ARHGAP42: variants seen among roughly 807,000 people sequenced by gnomAD.
ARHGAP42 encodes Rho GTPase activating protein 42.
A neutral mutation model predicts 125.0 loss-of-function variants in ARHGAP42; 63 were observed. The ratio of observed to expected loss-of-function variants is 0.50; its 90% CI spans 0.41 to 0.62. The LOEUF (loss-of-function observed/expected upper bound fraction) is 0.62. ARHGAP42 is among the 20% of genes least tolerant of loss of function. The pLI, the probability that ARHGAP42 is intolerant of heterozygous loss-of-function variation, is 0.00. For missense variants in ARHGAP42, 766 were observed against 1,024.2 expected, an observed-to-expected ratio of 0.75 and a Z score of 3.44; for synonymous variants, 339 against 351.0, an observed-to-expected ratio of 0.97 and a Z score of 0.38.
At chr11:100,729,762 A>G (rs376966096) in intron 1 of ARHGAP42, among the ~76,000 whole-genome samples, 454 of 151,892 alleles carry the variant, frequency 3.0e-3, no homozygotes, top group Non-Finnish European at 4.1e-3. Context: ...TATGAATATC[A>G]TGTAACACTG....
intron 3 of ARHGAP42, among the ~76,000 whole-genome samples, chr11:100,845,092 T>TATATAC (rs546437282): frequency 4.0e-5 from 6 of 151,240 alleles, no homozygotes; most frequent in African/African-American, 1.2e-4. Context: ...TATATATATA[T>TATATAC]ACACACACAC....
At chr11:100,747,030 T>A (rs1181972576) in intron 1 of ARHGAP42, among the ~76,000 whole-genome samples, 1 of 152,202 alleles carries the variant, frequency 6.6e-6, no homozygotes, top group East Asian at 1.9e-4. Flanking sequence ...GGCTTGAGTT[T>A]CCCTTCTTTC....
chr11:100,907,108 T>A (rs183776809), intron 4 of ARHGAP42, among the ~76,000 whole-genome samples: 166 of 152,330 alleles, frequency 1.1e-3, no homozygotes, highest in Middle Eastern at 3.4e-3. Context: ...CAGTAGTACC[T>A]AAGGGTTCCT....
chr11:100,844,209 C>G (rs1332308798), intron 3 of ARHGAP42, among the ~76,000 whole-genome samples: 1 of 151,962 alleles, frequency 6.6e-6, no homozygotes, highest in Non-Finnish European at 1.5e-5. Flanking sequence ...AAGGACACCC[C>G]ATTGAACAAA....
intron 8 of ARHGAP42, among the ~76,000 whole-genome samples, chr11:100,938,886 TG>T (rs1296267416): frequency 6.6e-6 from 1 of 152,136 alleles, no homozygotes; most frequent in African/African-American, 2.4e-5. Context: ...ATAAGTTCTG[TG>T]GGGGACAAAA....
chr11:100,762,333 T>A (rs1862724086), intron 1 of ARHGAP42, among the ~76,000 whole-genome samples: 1 of 152,216 alleles, frequency 6.6e-6, no homozygotes, highest in Non-Finnish European at 1.5e-5. Flanking sequence ...TGCTTTTTTT[T>A]GCATTTTCAG....
chr11:100,941,882 A>G lies in ARHGAP42; in HGVS notation c.931A>G (p.Met311Val). 6.6e-7 allele frequency: 1 copy of G among 1,521,970 alleles called. No homozygotes were observed. The highest frequency in any genetic ancestry group is 8.8e-7 in the Non-Finnish European group (1 of 1,131,828). 94.3% of individuals were successfully genotyped at this position (1,521,970 alleles called of 1,614,324 possible). ...TTCAGAAATGAAATCCAGTGGGAAA[A>G]TGGTGAGTTAGTTTTGTTTTCTGTT... is the stretch of plus-strand genomic sequence containing the variant. ...SVSEMKSSGK[M>V]NGLVTSSPEM... The change falls in exon 9 of 24, where the codon ATG (methionine) becomes GTG (valine). Residue 311 changes from methionine to valine, a missense_variant and splice_region_variant. Met to Val is a conservative substitution (Grantham distance 21, BLOSUM62 1). Coordinates refer to ENST00000298815, the MANE Select transcript of ARHGAP42 (RefSeq NM_152432.4).
At chr11:100,782,666 TA>T (rs59373401) in intron 2 of ARHGAP42, among the ~76,000 whole-genome samples, 7,751 of 151,294 alleles carry the variant, frequency 0.051, 257 homozygotes, top group East Asian at 0.18. Context: ...ATAGGAGGCT[TA>T]AAAAAAAAGA....
In ARHGAP42 at chr11:100,962,760, C is replaced by T. The variant is rs922487173; in HGVS notation, c.1444+293C>T. Among the ~76,000 whole-genome samples the T allele has an allele frequency of 2.0e-5, 3 of 152,176 alleles. No individual in the cohort carries two copies. In the East Asian group the frequency reaches 5.8e-4, roughly 29 times the overall value. On this transcript the variant is annotated intron_variant, in intron 16 of 23. Transcript: ENST00000298815. ...GCATGGTGGCACATGCCTGTAATCC[C>T]AGCTGCTCGGGAAGCTGAGGCAGGA...
At position 100,961,779 on chromosome 11, in the gene ARHGAP42, T is replaced by G; in HGVS notation, c.1385+11T>G. The G allele has an allele frequency of 6.5e-7, 1 of 1,546,572 alleles. No individual in the cohort carries two copies. Among genetic ancestry groups the G allele is most frequent in the Non-Finnish European group, 8.8e-7 (1 of 1,142,592 alleles). The stretch of plus-strand genomic sequence containing the variant: ...GAAAAACTACCTCAGGTGAGGAGGG[T>G]TTAACTCCTGGTACTCTGGATGTAA... On this transcript the variant is annotated intron_variant, in intron 15 of 23. Coordinates refer to ENST00000298815, the MANE Select transcript of ARHGAP42 (RefSeq NM_152432.4).
At chr11:100,897,619 A>G (rs1866398296) in intron 4 of ARHGAP42, among the ~76,000 whole-genome samples, 2 of 152,056 alleles carry the variant, frequency 1.3e-5, no homozygotes, top group South Asian at 4.2e-4. Context: ...ATGGGAGTTC[A>G]CTCATGATTT....
intron 3 of ARHGAP42, among the ~76,000 whole-genome samples, chr11:100,845,883 C>G (rs1366930275): frequency 6.6e-6 from 1 of 152,136 alleles, no homozygotes; most frequent in Non-Finnish European, 1.5e-5. Flanking sequence ...TGTTTATCAG[C>G]CTAATTGAGT....
At chr11:100,760,752 A>T (rs1470016706) in intron 1 of ARHGAP42, among the ~76,000 whole-genome samples, 2 of 152,132 alleles carry the variant, frequency 1.3e-5, no homozygotes, top group African/African-American at 4.8e-5. Flanking sequence ...CCACAAATGT[A>T]TATGACACCA....
intron 4 of ARHGAP42, among the ~76,000 whole-genome samples, chr11:100,905,203 G>A (rs1196960146): frequency 1.3e-5 from 2 of 152,078 alleles, no homozygotes; most frequent in Admixed American, 1.3e-4. Flanking sequence ...CAATGCCTAA[G>A]ATTGAAAAAG....
intron 4 of ARHGAP42, among the ~76,000 whole-genome samples, chr11:100,896,415 C>T (rs1024636843): frequency 1.3e-5 from 2 of 152,224 alleles, no homozygotes; most frequent in African/African-American, 2.4e-5. Flanking sequence ...GAGGAATCGT[C>T]ACACTGTCTT....
At chr11:100,759,796 G>A (rs562632035) in intron 1 of ARHGAP42, among the ~76,000 whole-genome samples, 1 of 152,158 alleles carries the variant, frequency 6.6e-6, no homozygotes, top group Admixed American at 6.5e-5. Context: ...CTCAATATAT[G>A]CATTTAAAAA....
intron 8 of ARHGAP42, 79 bp from the exon 9 acceptor site, chr11:100,941,705 A>G (rs1410295111): frequency 7.6e-6 from 6 of 785,902 alleles, no homozygotes; most frequent in East Asian, 2.8e-5. Flanking sequence ...GTTGTATATC[A>G]TAGCACTGGA....
intron 1 of ARHGAP42, among the ~76,000 whole-genome samples, chr11:100,747,987 CT>C (rs879810849): frequency 8.7e-5 from 13 of 149,870 alleles, no homozygotes; most frequent in East Asian, 2.0e-4. Flanking sequence ...CCCCACCCCC[CT>C]TTTTTTTTCT....
chr11:100,967,243 A>G (rs1469714470), intron 17 of ARHGAP42, among the ~76,000 whole-genome samples: 2 of 152,240 alleles, frequency 1.3e-5, no homozygotes, highest in Admixed American at 1.3e-4. Flanking sequence ...AACTCTGAGT[A>G]ACAGTATAAA....
Sources: gnomAD v4.1 joint callset for allele counts (sites outside exome capture counted in the v4.1 genomes callset) on GRCh38, gnomAD v4.1.1 for gene constraint, MANE v1.5 for transcripts, NCBI Gene and HGNC (gene_info 2026-07-23, HGNC 2026-07-21) for gene names.